Variants in SOX6 observed in about 807,000 individuals in gnomAD.
SOX6 encodes transcription factor SOX-6.
A neutral mutation model predicts 97.8 loss-of-function variants in SOX6; 11 were observed. The observed-to-expected ratio is 0.11, with a 90% CI of 0.07 to 0.19. The LOEUF (loss-of-function observed/expected upper bound fraction) is 0.19. SOX6 is among the 10% of genes least tolerant of loss of function. The probability of loss-of-function intolerance (pLI) is 1.00; values close to 1 mark genes in which losing one functional copy is unlikely to be tolerated. For missense variants in SOX6, 810 were observed against 1,039.5 expected (o/e 0.78, Z 3.04); for synonymous variants, 360 against 371.4 (o/e 0.97, Z 0.35).
chr11:16,108,742 C>T (rs575005388), intron 7 of SOX6, among the ~76,000 whole-genome samples: 4 of 152,302 alleles, frequency 2.6e-5, no homozygotes, highest in Admixed American at 2.6e-4. Context: ...CAGCATGCCC[C>T]CTCAGCAACC....
At chr11:16,186,357 C>A (rs981270421) in intron 5 of SOX6, among the ~76,000 whole-genome samples, 7 of 152,130 alleles carry the variant, frequency 4.6e-5, no homozygotes, top group African/African-American at 1.7e-4. Context: ...GGACTTTAAA[C>A]CTGAAGAAAA....
At chr11:16,061,782 A>G (rs1847963648) in intron 9 of SOX6, among the ~76,000 whole-genome samples, 1 of 151,866 alleles carries the variant, frequency 6.6e-6, no homozygotes, top group Non-Finnish European at 1.5e-5. Flanking sequence ...TGATAAGAAC[A>G]TGTATTGGCA....
chr11:15,983,727 T>C (rs1019987114), intron 15 of SOX6, among the ~76,000 whole-genome samples: 5 of 152,252 alleles, frequency 3.3e-5, no homozygotes, highest in Non-Finnish European at 5.9e-5. Flanking sequence ...ATGCTCAGCA[T>C]TGAGATGAAA....
intron 1 of SOX6, among the ~76,000 whole-genome samples, chr11:16,449,224 A>T (rs1309387862): frequency 7.0e-6 from 1 of 141,848 alleles, no homozygotes; most frequent in East Asian, 2.1e-4. Context: ...GAGCAGAAGT[A>T]TTGGGTTTCT....
At chr11:16,611,177 C>T (rs1008812213) in intron 4 of SOX6, among the ~76,000 whole-genome samples, 18 of 152,230 alleles carry the variant, frequency 1.2e-4, no homozygotes, top group Non-Finnish European at 2.2e-4. Context: ...AAGGCGCGCA[C>T]GGTTCCTGGA....
intron 3 of SOX6, among the ~76,000 whole-genome samples, chr11:16,307,837 A>G (rs1222228104): frequency 6.6e-6 from 1 of 152,088 alleles, no homozygotes; most frequent in Non-Finnish European, 1.5e-5. Flanking sequence ...TTTTCTAGCC[A>G]CCTATTTGTA....
chr11:16,281,546 T>C (rs1268463755), intron 3 of SOX6, among the ~76,000 whole-genome samples: 1 of 152,062 alleles, frequency 6.6e-6, no homozygotes, highest in Non-Finnish European at 1.5e-5. Context: ...GTGGAAGTGA[T>C]TGGAACAAAA....
intron 14 of SOX6, 76 bp downstream of exon 14, chr11:15,988,921 C>A: frequency 2.8e-6 from 4 of 1,419,034 alleles, no homozygotes; most frequent in Non-Finnish European, 4.0e-6. Flanking sequence ...CTAGTTATCC[C>A]CTTGCTTCCC....
At chr11:16,364,915 G>A (rs1857312126) in intron 1 of SOX6, among the ~76,000 whole-genome samples, 1 of 151,950 alleles carries the variant, frequency 6.6e-6, no homozygotes, top group Non-Finnish European at 1.5e-5. Context: ...TGTAAAACTG[G>A]GATTGTACTA....
At chr11:16,278,661 G>A (rs935432050) in intron 3 of SOX6, among the ~76,000 whole-genome samples, 2 of 151,782 alleles carry the variant, frequency 1.3e-5, no homozygotes, top group Admixed American at 6.6e-5. Flanking sequence ...AAAGAAATTA[G>A]ATAGTGAAAG....
chr11:16,553,395 G>T (rs1316595670), intron 4 of SOX6, among the ~76,000 whole-genome samples: 1 of 152,128 alleles, frequency 6.6e-6, no homozygotes, highest in Non-Finnish European at 1.5e-5. Flanking sequence ...TGACAGGCAG[G>T]TTAATTAGAA....
chr11:16,733,370 A>G (rs1848365630), intron 2 of SOX6, among the ~76,000 whole-genome samples: 1 of 152,216 alleles, frequency 6.6e-6, no homozygotes, highest in Admixed American at 6.5e-5. Flanking sequence ...AATGTGGCAC[A>G]TATACACCAT....
At chr11:16,317,909 T>G (rs1328577750) in intron 3 of SOX6, 1 of 447,792 alleles carries the variant, frequency 2.2e-6, no homozygotes, top group Admixed American at 2.4e-5. Context: ...GTAGAGAAGG[T>G]AGATGTGGGA....
At chr11:16,061,684 G>A (rs1219454076) in intron 9 of SOX6, among the ~76,000 whole-genome samples, 2 of 151,556 alleles carry the variant, frequency 1.3e-5, no homozygotes, top group African/African-American at 4.8e-5. Context: ...TGGTACTTGT[G>A]TAAAAATAGA....
intron 12 of SOX6, among the ~76,000 whole-genome samples, chr11:16,038,347 A>T (rs1855570528): frequency 6.6e-6 from 1 of 151,992 alleles, no homozygotes; most frequent in Admixed American, 6.6e-5. Flanking sequence ...CATTTCTCAG[A>T]TGGAGATGTT....
intron 1 of SOX6, among the ~76,000 whole-genome samples, chr11:16,472,976 C>G (rs976477617): frequency 6.6e-6 from 1 of 152,130 alleles, no homozygotes; most frequent in Admixed American, 6.5e-5. Flanking sequence ...ATGCAAGTTA[C>G]TTAAATGTAG....
intron 12 of SOX6, among the ~76,000 whole-genome samples, chr11:16,043,331 G>C (rs1855731785): frequency 1.3e-5 from 2 of 152,098 alleles, no homozygotes; most frequent in African/African-American, 4.8e-5. Flanking sequence ...GACAATTCAT[G>C]CACAGAAGCT....
chr11:16,126,159 T>G (rs1362625280), intron 6 of SOX6, among the ~76,000 whole-genome samples: 1 of 152,076 alleles, frequency 6.6e-6, no homozygotes, highest in Non-Finnish European at 1.5e-5. Flanking sequence ...TAGCTTATAT[T>G]ACAACTTGAA....
intron 1 of SOX6, among the ~76,000 whole-genome samples, chr11:16,412,617 A>G (rs996062137): frequency 6.6e-6 from 1 of 152,192 alleles, no homozygotes; most frequent in Non-Finnish European, 1.5e-5. Flanking sequence ...TCTAACAAAT[A>G]AAAAAGTAAA....
Sources: allele counts gnomAD v4.1 joint callset (sites outside exome capture counted in the v4.1 genomes callset), GRCh38; gene constraint gnomAD v4.1.1; transcripts MANE v1.5; gene names NCBI Gene and HGNC (gene_info 2026-07-23, HGNC 2026-07-21).